LYPD6B: variants seen among roughly 807,000 people sequenced by gnomAD.
The protein encoded by LYPD6B is ly6/PLAUR domain-containing protein 6B.
LYPD6B carries 17 observed loss-of-function variants against 22.8 expected under a neutral mutation model. That is an observed-to-expected ratio of 0.75 (90% CI 0.51 to 1.12). LYPD6B has a LOEUF of 1.12. Ranked by LOEUF, LYPD6B falls within the 50% of genes most tolerant of loss-of-function variation. LYPD6B has a pLI of 0.00. For synonymous variants in LYPD6B, 106 were observed against 91.6 expected, an observed-to-expected ratio of 1.16 and a Z score of -0.90; for missense variants, 221 against 258.3, an observed-to-expected ratio of 0.86 and a Z score of 0.99.
At chr2:149,131,571 T>C (rs1013374498) in intron 2 of LYPD6B, 1 of 152,336 alleles carries the variant, frequency 6.6e-6, no homozygotes, top group African/African-American at 2.4e-5. Flanking sequence ...CTAATTACTT[T>C]AGAGCTGCAA....
At chr2:149,090,069 T>G (rs1685580741) in intron 1 of LYPD6B, among the ~76,000 whole-genome samples, 1 of 152,188 alleles carries the variant, frequency 6.6e-6, no homozygotes, top group Admixed American at 6.5e-5. Flanking sequence ...CTGCATTGAT[T>G]TCTGTATTGG....
At chr2:149,159,466 A>C (rs1689907892) in intron 2 of LYPD6B, among the ~76,000 whole-genome samples, 1 of 151,868 alleles carries the variant, frequency 6.6e-6, no homozygotes, top group Admixed American at 6.6e-5. Flanking sequence ...GCCTCTTTTT[A>C]TGTTGTCTTC....
At chr2:149,189,300 G>A (rs1369391905) in intron 3 of LYPD6B, among the ~76,000 whole-genome samples, 1 of 132,294 alleles carries the variant, frequency 7.6e-6, no homozygotes, top group Non-Finnish European at 1.6e-5. Context: ...AACAATATGG[G>A]CTAATGAGGG....
intron 2 of LYPD6B, among the ~76,000 whole-genome samples, chr2:149,152,481 G>A (rs933750627): frequency 1.3e-5 from 2 of 152,188 alleles, no homozygotes; most frequent in African/African-American, 4.8e-5. Flanking sequence ...GGACAAGTGG[G>A]AATGTAGCTC....
intron 3 of LYPD6B, chr2:149,187,619 C>G (rs1022923261): frequency 2.7e-6 from 3 of 1,104,596 alleles, no homozygotes; most frequent in Non-Finnish European, 3.6e-6. Flanking sequence ...ACTGAATAAA[C>G]GTATTTAGTA....
intron 1 of LYPD6B, among the ~76,000 whole-genome samples, chr2:149,087,699 C>T (rs73015032): frequency 0.031 from 4,774 of 152,222 alleles, 223 homozygotes; most frequent in African/African-American, 0.11. Context: ...CTAGCAGAAT[C>T]GGGACCTGGT....
intron 1 of LYPD6B, among the ~76,000 whole-genome samples, chr2:149,098,816 T>C (rs1035674543): frequency 6.7e-6 from 1 of 149,012 alleles, no homozygotes; most frequent in Admixed American, 6.8e-5. Flanking sequence ...TTAAGACAAA[T>C]GCATGATGAC....
At position 149,213,132 on chromosome 2, in the gene LYPD6B, G is replaced by T; in HGVS notation, c.459+10G>T. 6.5e-7 allele frequency: 1 copy of T among 1,526,724 alleles called. No homozygotes were observed. The highest frequency in any genetic ancestry group is 8.9e-7 in the Non-Finnish European group (1 of 1,124,550). The allele number at this position is 1,526,724 out of a possible 1,614,324, so 94.6% of individuals were successfully genotyped here. ...AGATTCTGAACATACGGTAAGGATC[G>T]TGTGTGTGTGTTATTGTCTAAACTT... On this transcript the variant is annotated intron_variant, in intron 6 of 6. Transcript: ENST00000409642.
intron 1 of LYPD6B, among the ~76,000 whole-genome samples, chr2:149,073,919 C>G (rs568571239): frequency 6.6e-6 from 1 of 151,738 alleles, no homozygotes; most frequent in Non-Finnish European, 1.5e-5. Context: ...GACGGCTGTA[C>G]GAAAGGAGAA....
At chr2:149,093,755 T>A (rs979095896) in intron 1 of LYPD6B, among the ~76,000 whole-genome samples, 1 of 152,250 alleles carries the variant, frequency 6.6e-6, no homozygotes, top group African/African-American at 2.4e-5. Context: ...ATATTCAGAA[T>A]CTGCATTTTA....
Position 149,196,702 on chromosome 2 carries a change from A to G in LYPD6B, c.78-8551A>G, listed in dbSNP as rs77397018. 7.8e-3 allele frequency among the ~76,000 whole-genome samples: 1,194 copies of G among 152,356 alleles called. 15 individuals are homozygous for G. Among genetic ancestry groups the G allele is most frequent in the African/African-American group, 0.028 (1,151 of 41,578 alleles). ...TTAAGCAATGAATTCATTCAATAAA[A>G]TATATGTATGTCTGTGTATATGCAC... On this transcript the variant is annotated intron_variant, in intron 3 of 6. Coordinates refer to ENST00000409642, the MANE Select transcript of LYPD6B (RefSeq NM_177964.5).
intron 3 of LYPD6B, among the ~76,000 whole-genome samples, chr2:149,194,404 G>A (rs1481685029): frequency 6.6e-6 from 1 of 152,154 alleles, no homozygotes; most frequent in Non-Finnish European, 1.5e-5. Flanking sequence ...AAACCACCTG[G>A]TATAAACAAC....
chr2:149,146,361 G>A (rs544346241), intron 2 of LYPD6B, among the ~76,000 whole-genome samples: 1 of 152,166 alleles, frequency 6.6e-6, no homozygotes, highest in Admixed American at 6.5e-5. Context: ...AAGGGAGGAA[G>A]GGGCACTGTA....
At chr2:149,064,477 A>G (rs2105332825) in intron 1 of LYPD6B, among the ~76,000 whole-genome samples, 1 of 152,336 alleles carries the variant, frequency 6.6e-6, no homozygotes, top group East Asian at 1.9e-4. Flanking sequence ...GCCTCAGTAA[A>G]AGAGACATGT....
At chr2:149,143,743 A>G (rs936172907) in intron 2 of LYPD6B, 11 of 152,362 alleles carry the variant, frequency 7.2e-5, no homozygotes, top group Admixed American at 1.3e-4. Context: ...AGATGTGAAC[A>G]GCTGCACAAG....
At chr2:149,149,088 C>T (rs773295249) in intron 2 of LYPD6B, among the ~76,000 whole-genome samples, 18 of 151,934 alleles carry the variant, frequency 1.2e-4, no homozygotes, top group South Asian at 2.1e-4. Flanking sequence ...ACAAGGGGTG[C>T]GGGGAGGAAG....
chr2:149,180,175 T>A (rs1018520784), intron 3 of LYPD6B, among the ~76,000 whole-genome samples: 1 of 152,224 alleles, frequency 6.6e-6, no homozygotes, highest in Non-Finnish European at 1.5e-5. Context: ...GTATGCCTTA[T>A]GTGAAAAGGT....
chr2:149,206,171 C>A (rs895601870), intron 4 of LYPD6B: 11 of 283,282 alleles, frequency 3.9e-5, no homozygotes, highest in Non-Finnish European at 8.1e-5. Context: ...CTAATCACTT[C>A]TCCAGAGATT....
intron 1 of LYPD6B, among the ~76,000 whole-genome samples, chr2:149,088,701 T>C (rs994662353): frequency 6.6e-6 from 1 of 152,208 alleles, no homozygotes; most frequent in African/African-American, 2.4e-5. Flanking sequence ...TCAATGAAAT[T>C]TAAATGCAAT....
Sources: allele counts gnomAD v4.1 joint callset (sites outside exome capture counted in the v4.1 genomes callset), GRCh38; gene constraint gnomAD v4.1.1; transcripts MANE v1.5; gene names NCBI Gene and HGNC (gene_info 2026-07-23, HGNC 2026-07-21).